The following RHEX variants were observed in gnomAD, a reference collection of about 807,000 sequenced individuals.
RHEX encodes the protein regulator of hemoglobinization and erythroid cell expansion protein.
A neutral mutation model predicts 20.1 loss-of-function variants in RHEX; 18 were observed. The observed-to-expected ratio is 0.90, with a 90% CI of 0.62 to 1.33. The LOEUF (loss-of-function observed/expected upper bound fraction) is 1.33, where lower values mean the gene tolerates loss of function less well. RHEX is among the 40% of genes most tolerant of loss of function. The pLI is 0.00. For missense variants in RHEX, 192 were observed against 214.3 expected (o/e 0.90, Z 0.65); for synonymous variants, 87 against 77.1 (o/e 1.13, Z -0.67).
chr1:206,073,512 A>G (rs1197954503), intron 1 of RHEX, among the ~76,000 whole-genome samples: 1 of 152,158 alleles, frequency 6.6e-6, no homozygotes, highest in African/African-American at 2.4e-5. Context: ...GGAGTCACAG[A>G]CAGCTTAGGT....
chr1:206,078,791 G>A (rs1266298419), intron 1 of RHEX, among the ~76,000 whole-genome samples: 1 of 152,006 alleles, frequency 6.6e-6, no homozygotes, highest in Admixed American at 6.6e-5. Context: ...GCCTGGGGGG[G>A]CAAGAAACAA....
intron 5 of RHEX, 130 bp downstream of exon 5, chr1:206,101,327 A>G (rs924650312): frequency 5.5e-6 from 4 of 724,190 alleles, no homozygotes; most frequent in Non-Finnish European, 9.4e-6. Flanking sequence ...GAGTCATCAC[A>G]GCATCCTCAG....
chr1:206,100,826 G>A (rs895490009), intron 4 of RHEX, among the ~76,000 whole-genome samples: 2 of 152,180 alleles, frequency 1.3e-5, no homozygotes, highest in Admixed American at 1.3e-4. Flanking sequence ...CCCTTTCCAA[G>A]CACAGTCAAC....
chr1:206,081,273 A>G (rs782295188), intron 1 of RHEX, among the ~76,000 whole-genome samples: 14 of 152,226 alleles, frequency 9.2e-5, no homozygotes, highest in Non-Finnish European at 1.6e-4. Context: ...TCGAGTACAT[A>G]CTAGGTACAG....
At chr1:206,055,184 T>C (rs1662162929) in intron 1 of RHEX, among the ~76,000 whole-genome samples, 1 of 152,272 alleles carries the variant, frequency 6.6e-6, no homozygotes, top group Admixed American at 6.5e-5. Flanking sequence ...CCAAAGTCCC[T>C]GCGGGTCAGC....
At chr1:206,086,748 C>T (rs1212730590) in intron 1 of RHEX, among the ~76,000 whole-genome samples, 2 of 152,174 alleles carry the variant, frequency 1.3e-5, no homozygotes, top group East Asian at 1.9e-4. Flanking sequence ...GTGGCTCACA[C>T]CTGTAATCCC....
Position 206,101,814 on chromosome 1 carries a change from C to T in RHEX, c.381C>T (p.Asp127=). 1 of 1,613,966 alleles carries T rather than the reference C, an allele frequency of 6.2e-7. No individual in the cohort carries two copies. The highest frequency in any genetic ancestry group is 8.5e-7 in the Non-Finnish European group (1 of 1,179,944). ...CTGACCCTGGAGAACTAAAAAATGA[C>T]TCCCCGCTGGACTATGAGAACATAA... ...VFSDPGELKN[D]SPLDYENIKE... is the part of the protein sequence containing the mutation. The change falls in exon 6 of 6, where the codon GAC becomes GAT. Residue 127 remains aspartate (D), a synonymous_variant. Transcript: ENST00000331555.
At chr1:206,066,941 G>A (rs1255001922) in intron 1 of RHEX, among the ~76,000 whole-genome samples, 1 of 152,200 alleles carries the variant, frequency 6.6e-6, no homozygotes, top group Non-Finnish European at 1.5e-5. Context: ...ACCAGCCAGA[G>A]CCAGTCAGTG....
chr1:206,059,010 C>T (rs1662254852), intron 1 of RHEX, among the ~76,000 whole-genome samples: 1 of 152,130 alleles, frequency 6.6e-6, no homozygotes, highest in African/African-American at 2.4e-5. Context: ...ACTTGCCTTT[C>T]TGGCCCTGGA....
At chr1:206,083,072 A>G (rs1553286109) in intron 1 of RHEX, among the ~76,000 whole-genome samples, 2 of 152,230 alleles carry the variant, frequency 1.3e-5, no homozygotes, top group Non-Finnish European at 2.9e-5. Flanking sequence ...CTATTGCCCA[A>G]CGTCCCCTAC....
At chr1:206,060,084 T>A (rs1385305437) in intron 1 of RHEX, among the ~76,000 whole-genome samples, 1 of 152,130 alleles carries the variant, frequency 6.6e-6, no homozygotes, top group Non-Finnish European at 1.5e-5. Flanking sequence ...ATATACTGTG[T>A]ATGAACACAC....
intron 1 of RHEX, among the ~76,000 whole-genome samples, chr1:206,075,990 T>C (rs1043767753): frequency 5.9e-5 from 9 of 152,162 alleles, no homozygotes; most frequent in African/African-American, 1.9e-4. Flanking sequence ...ACAGCACTTA[T>C]AGGAATTAAG....
rs1487059862 is a variant in RHEX at position 206,097,749 on chromosome 1, C to T, written c.-80C>T. The T allele has an allele frequency of 2.0e-5, 32 of 1,613,348 alleles. No individual in the cohort carries two copies. The highest frequency in any genetic ancestry group is 2.5e-5 in the Non-Finnish European group (29 of 1,179,524). Reference sequence around the variant, plus strand: ...CTCTTGCAGATCTCCAGCACCCTGCCGGTGGCACTACTGAGAGACGAGGTG... The same window carrying T: ...CTCTTGCAGATCTCCAGCACCCTGCTGGTGGCACTACTGAGAGACGAGGTG... On this transcript the variant is annotated 5_prime_UTR_variant, in exon 2 of 6. Coordinates refer to ENST00000331555, the MANE Select transcript of RHEX (RefSeq NM_001007544.4).
intron 1 of RHEX, among the ~76,000 whole-genome samples, chr1:206,058,625 G>C (rs1662245196): frequency 6.6e-6 from 1 of 152,228 alleles, no homozygotes; most frequent in African/African-American, 2.4e-5. Context: ...GTTATTCATA[G>C]ATTCCAGACA....
At chr1:206,072,298 G>A (rs886615722) in intron 1 of RHEX, among the ~76,000 whole-genome samples, 33 of 152,292 alleles carry the variant, frequency 2.2e-4, no homozygotes, top group African/African-American at 6.3e-4. Context: ...AGAATGGGCC[G>A]GGCGCGGTTG....
intron 1 of RHEX, among the ~76,000 whole-genome samples, chr1:206,092,524 T>C (rs1278044778): frequency 6.6e-6 from 1 of 152,202 alleles, no homozygotes; most frequent in African/African-American, 2.4e-5. Flanking sequence ...CCATGCTCCT[T>C]CCTAAACTTA....
intron 1 of RHEX, among the ~76,000 whole-genome samples, chr1:206,080,832 T>A (rs1553285775): frequency 6.6e-6 from 1 of 152,118 alleles, no homozygotes. Flanking sequence ...AAATAGGGCA[T>A]CACTGTGTCA....
At chr1:206,064,066 C>A (rs1293473695) in intron 1 of RHEX, among the ~76,000 whole-genome samples, 1 of 148,116 alleles carries the variant, frequency 6.8e-6, no homozygotes, top group African/African-American at 2.5e-5. Flanking sequence ...ATGTGAGGAG[C>A]GCCTCTGCCC....
rs140040326 is a variant in RHEX at position 206,101,341 on chromosome 1, AG to A, written c.318+151del. On this transcript the variant is annotated intron_variant, in intron 5 of 5. Coordinates refer to ENST00000331555, the MANE Select transcript of RHEX (RefSeq NM_001007544.4). The stretch of plus-strand genomic sequence containing the variant: ...TGAGTCATCACAGCATCCTCAGGTG[AG>A]GGGGGGTCAGGCTTCCACCCATAAC... The A allele has an allele frequency of 5.7e-5, 38 of 662,562 alleles. 1 individual carries two copies. Among genetic ancestry groups the A allele is most frequent in the East Asian group, 3.7e-4 (14 of 37,476 alleles). 41.0% of individuals were successfully genotyped at this position (662,562 alleles called of 1,614,324 possible).
Sources: allele counts gnomAD v4.1 joint callset (sites outside exome capture counted in the v4.1 genomes callset), GRCh38; gene constraint gnomAD v4.1.1; transcripts MANE v1.5; gene names NCBI Gene and HGNC (gene_info 2026-07-23, HGNC 2026-07-21).